DNAH10: variants seen among roughly 807,000 people sequenced by gnomAD.
DNAH10 encodes the protein axonemal beta dynein heavy chain 10.
A neutral mutation model predicts 506.6 loss-of-function variants in DNAH10; 348 were observed. That is an observed-to-expected ratio of 0.69 (90% CI 0.63 to 0.75). DNAH10 has a LOEUF of 0.75. Among genes scored for constraint, DNAH10 ranks in the 30% least tolerant of loss-of-function variants. The pLI, the probability that DNAH10 is intolerant of heterozygous loss-of-function variation, is 0.00. For missense variants in DNAH10, 5,179 were observed against 5,787.1 expected (o/e 0.89, Z 3.41); for synonymous variants, 2,059 against 2,198.6 (o/e 0.94, Z 1.78).
intron 30 of DNAH10, 98 bp from the exon 31 acceptor site, chr12:123,845,502 C>T: frequency 6.7e-7 from 1 of 1,489,176 alleles, no homozygotes; most frequent in Non-Finnish European, 9.0e-7. Flanking sequence ...ACTTTGCCCT[C>T]CCTATTCCAG....
chr12:123,901,938 G>A (rs1953542702), intron 56 of DNAH10, among the ~76,000 whole-genome samples: 2 of 152,186 alleles, frequency 1.3e-5, no homozygotes, highest in Admixed American at 6.5e-5. Flanking sequence ...TGGGATTACA[G>A]GTGTGAGCCA....
Position 123,796,821 on chromosome 12 carries a change from C to A in DNAH10, c.2152C>A (p.Arg718=), listed in dbSNP as rs1362382366. Residue 718 remains arginine (R), a synonymous_variant, in exon 13 of 79, where the codon CGA becomes AGA. Transcript: ENST00000673944. ...QEVQEILDSD[R]GQEVKQKYLE... ...GGTACAAGAGATACTGGACAGTGAT[C>A]GAGGACAGGAGGTATGTTGCTCTTG... 6.2e-7 allele frequency: 1 copy of A among 1,608,484 alleles called. No individual in the cohort carries two copies. Among genetic ancestry groups the A allele is most frequent in the South Asian group, 1.1e-5 (1 of 89,340 alleles).
At chr12:123,836,429 A>G (rs1961135384) in intron 28 of DNAH10, among the ~76,000 whole-genome samples, 1 of 152,220 alleles carries the variant, frequency 6.6e-6, no homozygotes, top group Admixed American at 6.5e-5. Context: ...CCATAGTTAG[A>G]GTGAATGTCT....
intron 3 of DNAH10, 141 bp downstream of exon 3, chr12:123,771,839 A>C (rs1593970618): frequency 1.4e-6 from 1 of 698,410 alleles, no homozygotes; most frequent in East Asian, 2.7e-5. Context: ...CCACCCTCAG[A>C]TTCAGTGATT....
At chr12:123,807,667 G>A (rs767094437) in intron 18 of DNAH10, among the ~76,000 whole-genome samples, 1 of 151,738 alleles carries the variant, frequency 6.6e-6, no homozygotes, top group East Asian at 2.0e-4. Context: ...GGGAAGCCAC[G>A]GCAGGGAGCT....
rs184194723 is a variant in DNAH10 at position 123,853,388 on chromosome 12, G to C, written c.6438+36G>C. 2.3e-5 allele frequency: 36 copies of C among 1,594,432 alleles called. 1 individual carries two copies. The Admixed American group carries it at 3.0e-4, about 13-fold the overall frequency. On this transcript the variant is annotated intron_variant, in intron 36 of 78. Coordinates refer to ENST00000673944, the MANE Select transcript of DNAH10 (RefSeq NM_001372106.1). The surrounding 1 kb of genome is among the most constrained non-coding windows in gnomAD (Gnocchi z 4.7). ...CGTGCTGGAACATTCTCTGGTTTCA[G>C]CTGCTTCAGGCATTTACTACGTGCC...
chr12:123,927,848 C>T (rs1955014549), intron 69 of DNAH10: 2 of 154,522 alleles, frequency 1.3e-5, no homozygotes, highest in Admixed American at 1.3e-4. Flanking sequence ...GGCCAGCTCT[C>T]TCAACCACAA....
chr12:123,898,910 A>G, intron 56 of DNAH10, 96 bp downstream of exon 56: 2 of 1,442,578 alleles, frequency 1.4e-6, no homozygotes, highest in South Asian at 3.1e-5. Context: ...CCCGAGCAGG[A>G]CAGGGCTCTG....
chr12:123,835,644 A>G, intron 28 of DNAH10, 116 bp downstream of exon 28: 1 of 1,430,856 alleles, frequency 7.0e-7, no homozygotes, highest in Non-Finnish European at 9.3e-7. Flanking sequence ...CATTTTTTAG[A>G]GACAGGGTTT....
At chr12:123,889,535 C>G (rs1201640304) in intron 52 of DNAH10, among the ~76,000 whole-genome samples, 1 of 152,116 alleles carries the variant, frequency 6.6e-6, no homozygotes, top group Non-Finnish European at 1.5e-5. Flanking sequence ...ACGACAACAA[C>G]AACTACACAA....
chr12:123,775,650 C>T (rs1231853536), intron 5 of DNAH10, among the ~76,000 whole-genome samples: 1 of 152,136 alleles, frequency 6.6e-6, no homozygotes, highest in Non-Finnish European at 1.5e-5. Flanking sequence ...GGAGGATGGC[C>T]ACTGTGGCTG....
chr12:123,767,518 T>G, intron 1 of DNAH10, 88 bp from the exon 2 acceptor site: 1 of 1,319,952 alleles, frequency 7.6e-7, no homozygotes. Flanking sequence ...TACCAACCCC[T>G]TGGCTCCACA....
chr12:123,866,682 T>C (rs2136928070), intron 41 of DNAH10, among the ~76,000 whole-genome samples: 1 of 152,348 alleles, frequency 6.6e-6, no homozygotes, highest in Middle Eastern at 3.4e-3. Context: ...GGCAATATGA[T>C]TTCTTTCACA....
intron 45 of DNAH10, among the ~76,000 whole-genome samples, chr12:123,873,161 A>C (rs1044844929): frequency 1.3e-5 from 2 of 152,256 alleles, no homozygotes; most frequent in African/African-American, 4.8e-5. Context: ...TGCATCTCAT[A>C]CGATGCAATA....
chr12:123,922,650 A>C (rs1339340715), intron 65 of DNAH10, among the ~76,000 whole-genome samples: 1 of 152,218 alleles, frequency 6.6e-6, no homozygotes, highest in Non-Finnish European at 1.5e-5. Flanking sequence ...TCAGAAGTCC[A>C]AAATCAAGGT....
At position 123,893,390 on chromosome 12, in the gene DNAH10, G is replaced by A; in HGVS notation, c.9153G>A (p.Met3051Ile). ...ATAACCTGCACATTGTCCTGGGCAT[G>A]TCGCCAGTGGGGGACACCCTGAGGA... The part of the protein sequence containing the change: ...SANNLHIVLG[M>I]SPVGDTLRTW... The change falls in exon 53 of 79, where the codon ATG becomes ATA. Residue 3051 changes from methionine to isoleucine, a missense_variant. This residue lies in a region of DNAH10 where 4,844 missense variants were observed against 5,430.5 expected (regional missense o/e 0.89). Transcript: ENST00000673944. 6.2e-7 allele frequency: 1 copy of A among 1,613,550 alleles called. No individual in the cohort carries two copies. The highest frequency in any genetic ancestry group is 8.5e-7 in the Non-Finnish European group (1 of 1,179,898).
rs1336091029 is a variant in DNAH10 at position 123,787,498 on chromosome 12, C to G, written c.1422-306C>G. Among the ~76,000 whole-genome samples, 2 of 152,242 alleles carry G rather than the reference C, an allele frequency of 1.3e-5. No individual in the cohort carries two copies. Among genetic ancestry groups the G allele is most frequent in the African/African-American group, 2.4e-5 (1 of 41,460 alleles). On this transcript the variant is annotated intron_variant, in intron 9 of 78. Transcript: ENST00000673944. This position sits in a 1 kb window ranked among gnomAD's most constrained non-coding sequence, Gnocchi z 4.6. ...TTGTCCTGCGCCGTGTTGCAGCTGCCGCTGTTGACCTCTGGCCTGGGGCCA... is the reference window on the plus strand; with the variant it reads ...TTGTCCTGCGCCGTGTTGCAGCTGCGGCTGTTGACCTCTGGCCTGGGGCCA...
intron 57 of DNAH10, among the ~76,000 whole-genome samples, chr12:123,906,736 T>TAAA: frequency 6.6e-6 from 1 of 152,326 alleles, no homozygotes; most frequent in South Asian, 2.1e-4. Context: ...TCCAGATGAG[T>TAAA]AAAATCTGGC....
rs1594066098 is a variant in DNAH10, at chr12:123,803,764, A to G, written c.2718A>G (p.Thr906=). Reference sequence around the variant, plus strand: ...CAGATGACATTTCTTCCAGGCTGACATTAATAGAGGCCATAAATCTCTTTA... The same window carrying G: ...CAGATGACATTTCTTCCAGGCTGACGTTAATAGAGGCCATAAATCTCTTTA... The part of the protein sequence containing the change: ...KNADDISSRL[T]LIEAINLFKY... Residue 906 remains threonine, a synonymous_variant, in exon 17 of 79, where the codon ACA becomes ACG. Coordinates refer to ENST00000673944, the MANE Select transcript of DNAH10 (RefSeq NM_001372106.1). 6.2e-7 allele frequency: 1 copy of G among 1,611,824 alleles called. No individual in the cohort carries two copies. The highest frequency in any genetic ancestry group is 8.5e-7 in the Non-Finnish European group (1 of 1,179,598).
Sources: allele counts gnomAD v4.1 joint callset (sites outside exome capture counted in the v4.1 genomes callset), GRCh38; gene constraint gnomAD v4.1.1; regional missense constraint gnomAD v4.1.1; non-coding constraint Gnocchi (gnomAD v3.1); transcripts MANE v1.5; gene names NCBI Gene and HGNC (gene_info 2026-07-23, HGNC 2026-07-21).